Variants in XPO4 observed in about 807,000 individuals in gnomAD.
XPO4 encodes the protein exportin 4, also known as exportin-4.
Under a neutral mutation model 143.0 loss-of-function variants are expected in XPO4, and 39 were observed. The ratio of observed to expected loss-of-function variants is 0.27; its 90% CI spans 0.21 to 0.36. XPO4 has a LOEUF of 0.36. XPO4 is among the 10% of genes least tolerant of loss of function. XPO4 has a pLI of 1.00. For missense variants in XPO4, 907 were observed against 1,348.0 expected, an observed-to-expected ratio of 0.67 and a Z score of 5.12; for synonymous variants, 439 against 474.0, an observed-to-expected ratio of 0.93 and a Z score of 0.96.
chr13:20,870,089 C>CAAAAAAAAAAAAAAAAAAAAAAAAAAA (rs59710121), intron 1 of XPO4, among the ~76,000 whole-genome samples: 6 of 98,930 alleles, frequency 6.1e-5, no homozygotes, highest in African/African-American at 2.2e-4. Flanking sequence ...GAAGGAGTCT[C>CAAAAAAAAAAAAAAAAAAAAAAAAAAA]AAAAAAAAAA....
At chr13:20,892,952 C>A (rs1227564792) in intron 1 of XPO4, among the ~76,000 whole-genome samples, 1 of 151,782 alleles carries the variant, frequency 6.6e-6, no homozygotes, top group Admixed American at 6.6e-5. Flanking sequence ...ACCTTTCAGG[C>A]AGGCTAAGGA....
At chr13:20,838,365 T>A (rs1595116635) in intron 6 of XPO4, among the ~76,000 whole-genome samples, 1 of 151,600 alleles carries the variant, frequency 6.6e-6, no homozygotes, top group African/African-American at 2.4e-5. Flanking sequence ...ATCCCAGCAC[T>A]TTGGGAGGCT....
chr13:20,881,996 G>A (rs1003740022), intron 1 of XPO4, among the ~76,000 whole-genome samples: 3 of 151,426 alleles, frequency 2.0e-5, no homozygotes, highest in African/African-American at 4.9e-5. Flanking sequence ...CGTAGTCCTC[G>A]CTACTTGGGA....
At chr13:20,786,311 A>G (rs74746164) in intron 22 of XPO4, among the ~76,000 whole-genome samples, 107 of 64,592 alleles carry the variant, frequency 1.7e-3, no homozygotes, top group Non-Finnish European at 3.0e-3. Context: ...GTGTGTGTAT[A>G]TATATATATA....
At chr13:20,896,369 A>G (rs144059735) in intron 1 of XPO4, among the ~76,000 whole-genome samples, 9 of 152,340 alleles carry the variant, frequency 5.9e-5, no homozygotes, top group Admixed American at 5.9e-4. Context: ...GACCTTTCAG[A>G]CCAAGGAGCA....
chr13:20,784,979 T>C (rs1196611606), intron 22 of XPO4, among the ~76,000 whole-genome samples: 1 of 152,068 alleles, frequency 6.6e-6, no homozygotes, highest in East Asian at 1.9e-4. Context: ...GTGATCCTCC[T>C]ACCTCAGCCT....
chr13:20,810,087 G>T, intron 9 of XPO4, 120 bp from the exon 10 acceptor site: 1 of 789,988 alleles, frequency 1.3e-6, no homozygotes, highest in Non-Finnish European at 1.8e-6. Context: ...CCCAATTATT[G>T]ATAAGTTTTT....
chr13:20,863,060 C>A (rs1454319033), intron 2 of XPO4: 6 of 1,273,936 alleles, frequency 4.7e-6, no homozygotes, highest in Non-Finnish European at 5.0e-6. Context: ...CAGCTAATCA[C>A]CGATCACAAT....
chr13:20,876,848 T>C (rs1195792816), intron 1 of XPO4, among the ~76,000 whole-genome samples: 1 of 152,096 alleles, frequency 6.6e-6, no homozygotes, highest in Non-Finnish European at 1.5e-5. Flanking sequence ...GCAAGATATA[T>C]TGTGAAGAAA....
intron 3 of XPO4, among the ~76,000 whole-genome samples, chr13:20,858,912 A>ATG (rs1348738233): frequency 9.6e-4 from 18 of 18,840 alleles, no homozygotes; most frequent in Non-Finnish European, 1.3e-3. Flanking sequence ...ATATATATAT[A>ATG]TGTGTGTGTG....
At chr13:20,850,014 G>A (rs906276078) in intron 4 of XPO4, 1 of 708,426 alleles carries the variant, frequency 1.4e-6, no homozygotes, top group African/African-American at 1.9e-5. Context: ...GCTGAGGCAT[G>A]AGAATCGCTT....
intron 6 of XPO4, among the ~76,000 whole-genome samples, chr13:20,839,770 G>C (rs959747819): frequency 6.6e-6 from 1 of 152,120 alleles, no homozygotes; most frequent in Non-Finnish European, 1.5e-5. Context: ...ATCAACCTGA[G>C]GTCAGGAGTT....
At chr13:20,861,602 AT>A (rs911864641) in intron 3 of XPO4, among the ~76,000 whole-genome samples, 26 of 151,586 alleles carry the variant, frequency 1.7e-4, no homozygotes, top group African/African-American at 5.1e-4. Flanking sequence ...GGCCTCATAT[AT>A]TTTTTTTAAT....
intron 6 of XPO4, among the ~76,000 whole-genome samples, chr13:20,829,898 T>C (rs944996251): frequency 3.3e-5 from 5 of 152,182 alleles, no homozygotes; most frequent in Non-Finnish European, 4.4e-5. Context: ...AAAATTCTCA[T>C]ATAATTCTCT....
At chr13:20,788,348 T>G (rs998970219) in intron 20 of XPO4, 138 bp downstream of exon 20, 7 of 1,183,202 alleles carry the variant, frequency 5.9e-6, no homozygotes, top group Non-Finnish European at 6.9e-6. Context: ...TGAGCCACCG[T>G]GCCTGGCCCA....
rs570098667 is a variant in XPO4 at position 20,815,045 on chromosome 13, C to A, written c.1174-5078G>T. 3.9e-5 allele frequency among the ~76,000 whole-genome samples: 6 copies of A among 152,038 alleles called. No homozygotes were observed. The South Asian group carries it at 1.2e-3, about 32-fold the overall frequency. On this transcript the variant is annotated intron_variant, in intron 9 of 22. Coordinates refer to ENST00000255305, the MANE Select transcript of XPO4 (RefSeq NM_022459.5). ...ATGAAATCTGTCCCCTTTTTGACAT[C>A]AAATTGAATTTCAGAGATTAAAATC...
intron 1 of XPO4, among the ~76,000 whole-genome samples, chr13:20,884,517 C>T (rs1270221406): frequency 2.0e-5 from 3 of 152,066 alleles, no homozygotes; most frequent in Non-Finnish European, 4.4e-5. Flanking sequence ...TCAAGCAGTC[C>T]TTCCACCTCA....
chr13:20,786,010 GGA>G (rs1488088820), intron 22 of XPO4, among the ~76,000 whole-genome samples: 16 of 148,830 alleles, frequency 1.1e-4, no homozygotes, highest in Admixed American at 2.0e-4. Context: ...AAGGAAGGAA[GGA>G]AGGATCAGAC....
At chr13:20,852,711 C>T (rs2138092380) in intron 4 of XPO4, 5 of 978,962 alleles carry the variant, frequency 5.1e-6, no homozygotes, top group Non-Finnish European at 6.1e-6. Context: ...GCAAGGTACA[C>T]CACATCTATA....
Sources: gnomAD v4.1 joint callset for allele counts (sites outside exome capture counted in the v4.1 genomes callset) on GRCh38, gnomAD v4.1.1 for gene constraint, MANE v1.5 for transcripts, NCBI Gene and HGNC (gene_info 2026-07-23, HGNC 2026-07-21) for gene names.